The following TMEM87B variants were observed in gnomAD, a reference collection of about 807,000 sequenced individuals.
TMEM87B encodes the protein transmembrane protein 87B.
TMEM87B carries 83 observed loss-of-function variants against 80.3 expected under a neutral mutation model. The observed-to-expected ratio is 1.03, with a 90% CI of 0.87 to 1.24. TMEM87B has a LOEUF of 1.24. TMEM87B is among the 50% of genes most tolerant of loss of function. The probability of loss-of-function intolerance (pLI) is 0.00; values close to 1 mark genes in which losing one functional copy is unlikely to be tolerated. For synonymous variants in TMEM87B, 219 were observed against 230.5 expected, an observed-to-expected ratio of 0.95 and a Z score of 0.45; for missense variants, 625 against 674.4, an observed-to-expected ratio of 0.93 and a Z score of 0.81.
chr2:112,057,102 C>G lies in TMEM87B; in HGVS notation c.165+1346C>G, dbSNP rs188742937. 3.9e-5 allele frequency among the ~76,000 whole-genome samples: 6 copies of G among 152,326 alleles called. No individual in the cohort carries two copies. The East Asian group carries it at 1.2e-3, about 29-fold the overall frequency. On this transcript the variant is annotated intron_variant, in intron 1 of 18. Transcript: ENST00000283206. ...AGAGAAGTTTGCTCCTTGAGTGCTG[C>G]ATGACCTTTAGGCTAATTTTACTCC...
intron 10 of TMEM87B, among the ~76,000 whole-genome samples, chr2:112,090,145 A>G (rs566693426): frequency 9.8e-5 from 15 of 152,292 alleles, no homozygotes; most frequent in Middle Eastern, 3.4e-3. Context: ...TCATTTGTTT[A>G]TTCATTTTCT....
chr2:112,059,969 C>A lies in TMEM87B; in HGVS notation c.166-8C>A. 1 of 1,591,284 alleles carries A rather than the reference C, an allele frequency of 6.3e-7. No homozygotes were observed. Among genetic ancestry groups the A allele is most frequent in the Non-Finnish European group, 8.6e-7 (1 of 1,166,530 alleles). On this transcript the variant is annotated splice_polypyrimidine_tract_variant and splice_region_variant and intron_variant, in intron 1 of 18. Transcript: ENST00000283206. ...ACAAGATCTTCCTGTGTTTGTTTTT[C>A]ATTTTAGAAATCAGGACCTTTGATA...
At chr2:112,080,433 G>A (rs559790142) in intron 6 of TMEM87B, among the ~76,000 whole-genome samples, 2 of 149,986 alleles carry the variant, frequency 1.3e-5, no homozygotes, top group African/African-American at 4.9e-5. Flanking sequence ...CTAATTTTTT[G>A]TATTTTTAGT....
intron 2 of TMEM87B, among the ~76,000 whole-genome samples, chr2:112,060,459 T>C (rs1036788613): frequency 3.3e-5 from 5 of 152,140 alleles, no homozygotes; most frequent in African/African-American, 1.2e-4. Context: ...TAAGCAAATG[T>C]TTTGTTTTTA....
At position 112,116,319 on chromosome 2, in the gene TMEM87B, T is replaced by C. The variant is rs984282745; in HGVS notation, c.*176T>C. 7 of 553,402 alleles carry C rather than the reference T, an allele frequency of 1.3e-5. No individual in the cohort carries two copies. Among genetic ancestry groups the C allele is most frequent in the African/African-American group, 1.1e-4 (6 of 52,808 alleles). 34.3% of individuals were successfully genotyped at this position (553,402 alleles called of 1,614,324 possible). On this transcript the variant is annotated 3_prime_UTR_variant, in exon 19 of 19. Coordinates refer to ENST00000283206, the MANE Select transcript of TMEM87B (RefSeq NM_032824.3). ...TCTATAGTCCTTTTAAAGCTGACTC[T>C]TGAGTGTCAGTTGAATATCCATTAA...
chr2:112,055,926 C>T (rs1678040873), intron 1 of TMEM87B, among the ~76,000 whole-genome samples, 170 bp downstream of exon 1: 1 of 152,220 alleles, frequency 6.6e-6, no homozygotes, highest in Non-Finnish European at 1.5e-5. Context: ...GGGGAGCGGC[C>T]CCTCCTCCGG....
intron 8 of TMEM87B, among the ~76,000 whole-genome samples, chr2:112,085,178 G>A (rs1679106842): frequency 6.6e-6 from 1 of 152,178 alleles, no homozygotes; most frequent in African/African-American, 2.4e-5. Context: ...TCCATGACAG[G>A]GGCTCCAAAC....
At position 112,069,165 on chromosome 2, in the gene TMEM87B, G is replaced by A. The variant is rs577148648; in HGVS notation, c.450+2098G>A. Among the ~76,000 whole-genome samples, 3 of 140,328 alleles carry A rather than the reference G, an allele frequency of 2.1e-5. No homozygotes were observed. The South Asian group carries it at 6.9e-4, about 32-fold the overall frequency. The allele number at this position is 140,328 out of a possible 152,430, so 92.1% of individuals were successfully genotyped here. A position where few individuals can be genotyped will look rare whatever the true frequency, so the allele number is the denominator to read the frequency against. ...CGAGATTGCGCCACTGCAGTCCGCA[G>A]TCTGGCCTGGGCGACAGAGCGAGAC... On this transcript the variant is annotated intron_variant, in intron 4 of 18. Transcript: ENST00000283206.
At chr2:112,095,142 TTTCTC>T (rs1679421297) in intron 11 of TMEM87B, 1 of 932,590 alleles carries the variant, frequency 1.1e-6, no homozygotes. Context: ...TTCTCTTTCG[TTTCTC>T]TTTTCTTTTC....
chr2:112,109,958 G>T (rs900959752), intron 17 of TMEM87B, among the ~76,000 whole-genome samples: 8 of 151,840 alleles, frequency 5.3e-5, no homozygotes, highest in Non-Finnish European at 2.9e-5. Context: ...TAGAGACGGG[G>T]TTTCACCATG....
At chr2:112,088,564 AT>A (rs1298788097) in intron 9 of TMEM87B, among the ~76,000 whole-genome samples, 2 of 152,110 alleles carry the variant, frequency 1.3e-5, no homozygotes, top group Admixed American at 6.6e-5. Flanking sequence ...TATCTTAAAT[AT>A]TTTTTTAAAC....
chr2:112,064,943 T>C (rs1366359248), intron 3 of TMEM87B, among the ~76,000 whole-genome samples: 1 of 152,158 alleles, frequency 6.6e-6, no homozygotes, highest in African/African-American at 2.4e-5. Context: ...CATATATGTG[T>C]ACATATACCT....
intron 1 of TMEM87B, among the ~76,000 whole-genome samples, chr2:112,059,255 T>C (rs185591704): frequency 6.6e-6 from 1 of 152,230 alleles, no homozygotes; most frequent in East Asian, 1.9e-4. Flanking sequence ...ACTAATCAAT[T>C]ATTTGATTTA....
In TMEM87B at chr2:112,116,071, T is replaced by G. The variant is rs1317125412; in HGVS notation, c.1609-13T>G. 1.2e-6 allele frequency: 2 copies of G among 1,609,498 alleles called. No individual in the cohort carries two copies. The highest frequency in any genetic ancestry group is 2.2e-5 in the East Asian group (1 of 44,824). On this transcript the variant is annotated splice_polypyrimidine_tract_variant and intron_variant, in intron 18 of 18. Coordinates refer to ENST00000283206, the MANE Select transcript of TMEM87B (RefSeq NM_032824.3). The stretch of plus-strand genomic sequence containing the variant: ...TCAACATGTTGATACATATCTTCTT[T>G]TTTTTTCTTCAGGAAATCATGACCA...
chr2:112,080,851 T>C (rs1349669511), intron 6 of TMEM87B, among the ~76,000 whole-genome samples: 1 of 152,240 alleles, frequency 6.6e-6, no homozygotes, highest in Non-Finnish European at 1.5e-5. Flanking sequence ...TTCTAGCAGT[T>C]TTACAGTTTC....
At chr2:112,068,897 C>G (rs530010665) in intron 4 of TMEM87B, among the ~76,000 whole-genome samples, 1 of 151,858 alleles carries the variant, frequency 6.6e-6, no homozygotes, top group African/African-American at 2.4e-5. Context: ...TTTGTTATAT[C>G]GTAAACTCAT....
intron 8 of TMEM87B, among the ~76,000 whole-genome samples, chr2:112,083,802 G>A (rs1286894462): frequency 6.6e-6 from 1 of 152,136 alleles, no homozygotes; most frequent in East Asian, 1.9e-4. Context: ...AACATTTATT[G>A]TGTGACTATG....
chr2:112,092,953 A>G (rs993004635), intron 11 of TMEM87B, among the ~76,000 whole-genome samples: 1 of 152,104 alleles, frequency 6.6e-6, no homozygotes, highest in Non-Finnish European at 1.5e-5. Context: ...TTCCTGTTAG[A>G]TAGGTTTCAT....
At chr2:112,063,105 T>G (rs1678305964) in intron 2 of TMEM87B, among the ~76,000 whole-genome samples, 1 of 152,228 alleles carries the variant, frequency 6.6e-6, no homozygotes, top group Non-Finnish European at 1.5e-5. Flanking sequence ...TTGAGATGTC[T>G]CCCAGTGATC....
Sources: gnomAD v4.1 joint callset for allele counts (sites outside exome capture counted in the v4.1 genomes callset) on GRCh38, gnomAD v4.1.1 for gene constraint, MANE v1.5 for transcripts, NCBI Gene and HGNC (gene_info 2026-07-23, HGNC 2026-07-21) for gene names.